The following PHF21B variants were observed in gnomAD, a reference collection of about 807,000 sequenced individuals.
The protein encoded by PHF21B is PHD finger protein 21B.
Under a neutral mutation model 62.2 loss-of-function variants are expected in PHF21B, and 22 were observed. The ratio of observed to expected loss-of-function variants is 0.35; its 90% CI spans 0.25 to 0.51. The LOEUF is 0.51. PHF21B is among the 20% of genes least tolerant of loss of function. The pLI is 0.97. For synonymous variants in PHF21B, 341 were observed against 314.7 expected (o/e 1.08, Z -0.88); for missense variants, 701 against 707.9 (o/e 0.99, Z 0.11).
chr22:44,987,028 A>C (rs2072962641), intron 2 of PHF21B, among the ~76,000 whole-genome samples: 1 of 152,360 alleles, frequency 6.6e-6, no homozygotes, highest in African/African-American at 2.4e-5. Context: ...GAGGCTAAGA[A>C]GACATTAGAA....
At chr22:44,918,369 C>T (rs2147308252) in intron 3 of PHF21B, among the ~76,000 whole-genome samples, 1 of 152,340 alleles carries the variant, frequency 6.6e-6, no homozygotes, top group East Asian at 1.9e-4. Context: ...GAGCTGGCGT[C>T]AATCACAGAT....
At chr22:44,963,547 G>T (rs2072466129) in intron 2 of PHF21B, among the ~76,000 whole-genome samples, 1 of 152,208 alleles carries the variant, frequency 6.6e-6, no homozygotes, top group South Asian at 2.1e-4. Flanking sequence ...TCCCCAGCAA[G>T]AAGTGGGGCT....
At chr22:44,920,097 C>CAT (rs1392288883) in intron 3 of PHF21B, among the ~76,000 whole-genome samples, 1 of 152,220 alleles carries the variant, frequency 6.6e-6, no homozygotes, top group East Asian at 1.9e-4. Context: ...AGAAACAATG[C>CAT]ATAGGATGCA....
chr22:45,008,516 C>G (rs1444703017), intron 2 of PHF21B, 29 bp downstream of exon 2: 1 of 1,536,356 alleles, frequency 6.5e-7, no homozygotes, highest in Non-Finnish European at 8.8e-7. Context: ...CCGCCCCATC[C>G]CAGGGGGGGC....
intron 2 of PHF21B, among the ~76,000 whole-genome samples, chr22:44,929,388 C>G (rs955145129): frequency 1.3e-5 from 2 of 152,236 alleles, no homozygotes; most frequent in Non-Finnish European, 2.9e-5. Flanking sequence ...CTTCATGAGC[C>G]CCAAGCTCAT....
chr22:44,909,089 C>T (rs1034952070), intron 5 of PHF21B, among the ~76,000 whole-genome samples: 2 of 152,196 alleles, frequency 1.3e-5, no homozygotes, highest in South Asian at 2.1e-4. Flanking sequence ...TGAGCCACTG[C>T]GCCTGGCCTT....
intron 2 of PHF21B, among the ~76,000 whole-genome samples, chr22:44,975,580 C>T (rs148337591): frequency 1.6e-3 from 243 of 152,322 alleles, no homozygotes; most frequent in Non-Finnish European, 2.5e-3. Context: ...AGCTATGCTG[C>T]GCACTGTGGC....
intron 2 of PHF21B, among the ~76,000 whole-genome samples, chr22:44,935,090 G>C (rs2071818520): frequency 1.3e-5 from 2 of 152,184 alleles, no homozygotes; most frequent in African/African-American, 4.8e-5. Context: ...AAGAGAAAAA[G>C]GATCACGGCA....
At chr22:44,905,139 C>T (rs1221978051) in intron 5 of PHF21B, among the ~76,000 whole-genome samples, 3 of 152,210 alleles carry the variant, frequency 2.0e-5, no homozygotes, top group East Asian at 3.8e-4. Context: ...TCTCCACCTG[C>T]CCTGTCACCC....
chr22:44,927,976 G>C (rs1408364748), intron 2 of PHF21B, among the ~76,000 whole-genome samples: 3 of 152,196 alleles, frequency 2.0e-5, no homozygotes, highest in African/African-American at 7.2e-5. Context: ...GGCACAGCTG[G>C]GGAAATCTCT....
chr22:44,888,605 C>T (rs987567608), intron 9 of PHF21B, among the ~76,000 whole-genome samples: 14 of 152,196 alleles, frequency 9.2e-5, no homozygotes, highest in African/African-American at 3.1e-4. Context: ...TAGCCCCGGC[C>T]AAGACCCTGT....
intron 7 of PHF21B, among the ~76,000 whole-genome samples, chr22:44,892,027 C>T (rs924981168): frequency 1.3e-5 from 2 of 152,170 alleles, no homozygotes; most frequent in South Asian, 4.1e-4. Flanking sequence ...GGTCACGGGG[C>T]CTTGGGTTGA....
intron 2 of PHF21B, among the ~76,000 whole-genome samples, chr22:44,995,562 C>A (rs1031208205): frequency 9.9e-5 from 15 of 152,280 alleles, no homozygotes; most frequent in Admixed American, 9.2e-4. Context: ...ACTCTGGGAC[C>A]ACAGAATCGC....
intron 5 of PHF21B, among the ~76,000 whole-genome samples, chr22:44,907,889 G>A (rs967416131): frequency 1.3e-5 from 2 of 152,218 alleles, no homozygotes; most frequent in Admixed American, 1.3e-4. Flanking sequence ...GCAGGGCCAG[G>A]AACACAATCC....
rs1267302111 is a variant in PHF21B, at chr22:45,009,481, C to T, written c.54+15G>A. The T allele has an allele frequency of 1.3e-6, 2 of 1,531,506 alleles. No homozygotes were observed. The highest frequency in any genetic ancestry group is 2.5e-5 in the East Asian group (1 of 40,468). 94.9% of individuals were successfully genotyped at this position (1,531,506 alleles called of 1,614,324 possible). A position where few individuals can be genotyped will look rare whatever the true frequency, so the allele number is the denominator to read the frequency against. ...ACACACTCCCCGGCCCCGGGCCCGG[C>T]CCCCGGCCACCTACCTGGTGGCGCG... is the stretch of plus-strand genomic sequence containing the variant. On this transcript the variant is annotated intron_variant, in intron 1 of 12. Transcript: ENST00000313237. The surrounding 1 kb of genome is among the most constrained non-coding windows in gnomAD (Gnocchi z 5.9).
intron 12 of PHF21B, 87 bp from the exon 13 acceptor site, chr22:44,883,391 TC>T: frequency 7.6e-7 from 1 of 1,309,742 alleles, no homozygotes; most frequent in Non-Finnish European, 1.1e-6. Context: ...CCCTCTCCCC[TC>T]CACTACAAAG....
Position 44,913,863 on chromosome 22 carries a change from T to G in PHF21B, c.790A>C (p.Lys264Gln), listed in dbSNP as rs1276187452. The G allele has an allele frequency of 2.5e-6, 4 of 1,613,678 alleles. No homozygotes were observed. The highest frequency in any genetic ancestry group is 1.6e-4 in the Middle Eastern group (1 of 6,068). ...EPSQGAQATK[K>Q]KKEDRPPTQE... ...GTCGGGGGCCGGTCTTCCTTCTTCT[T>G]TTTGGTGGCCTGAGCTCCCTGAGAT... Residue 264 changes from lysine to glutamine, a missense_variant, in exon 5 of 13, where the codon AAG (lysine) becomes CAG (glutamine). Coordinates refer to ENST00000313237, the MANE Select transcript of PHF21B (RefSeq NM_138415.5).
At chr22:44,971,229 C>T (rs1434394935) in intron 2 of PHF21B, 2 of 152,218 alleles carry the variant, frequency 1.3e-5, no homozygotes, top group Non-Finnish European at 2.9e-5. Flanking sequence ...CCATCATGGG[C>T]CCCTGGCGTG....
At chr22:44,884,069 G>C (rs969296322) in intron 12 of PHF21B, among the ~76,000 whole-genome samples, 20 of 80,484 alleles carry the variant, frequency 2.5e-4, no homozygotes, top group Admixed American at 3.7e-4. Flanking sequence ...CCACCACCAT[G>C]ATCACCATTA....
Sources: allele counts gnomAD v4.1 joint callset (sites outside exome capture counted in the v4.1 genomes callset), GRCh38; gene constraint gnomAD v4.1.1; non-coding constraint Gnocchi (gnomAD v3.1); transcripts MANE v1.5; gene names NCBI Gene and HGNC (gene_info 2026-07-23, HGNC 2026-07-21).